Variants in IQCH observed in about 807,000 individuals in gnomAD.
IQCH encodes IQ motif containing H.
IQCH carries 98 observed loss-of-function variants against 117.0 expected under a neutral mutation model. The observed-to-expected ratio is 0.84, with a 90% CI of 0.71 to 0.99. The LOEUF is 0.99. Among genes scored for constraint, IQCH ranks in the 50% least tolerant of loss-of-function variants. IQCH has a pLI of 0.00. For synonymous variants in IQCH, 412 were observed against 448.2 expected (o/e 0.92, Z 1.02); for missense variants, 1,102 against 1,243.8 (o/e 0.89, Z 1.72).
chr15:67,297,941 G>C (rs1207356460), intron 4 of IQCH, among the ~76,000 whole-genome samples: 2 of 152,002 alleles, frequency 1.3e-5, no homozygotes, highest in East Asian at 1.9e-4. Context: ...CATCTGACAA[G>C]GGATTAATAA....
At position 67,481,838 on chromosome 15, in the gene IQCH, A is replaced by T. The variant is rs1263299801; in HGVS notation, c.2799+6020A>T. 6.6e-6 allele frequency among the ~76,000 whole-genome samples: 1 copy of T among 152,232 alleles called. No homozygotes were observed. Among genetic ancestry groups the T allele is most frequent in the African/African-American group, 2.4e-5 (1 of 41,458 alleles). ...TTGAAAGAACTCAACATCAAGAGAAATCTCAGTCTGGATTAAAAGAGACTG... is the reference window on the plus strand; with the variant it reads ...TTGAAAGAACTCAACATCAAGAGAATTCTCAGTCTGGATTAAAAGAGACTG... On this transcript the variant is annotated intron_variant, in intron 18 of 20. Coordinates refer to ENST00000335894, the MANE Select transcript of IQCH (RefSeq NM_001031715.3). The surrounding 1 kb of genome is among the most constrained non-coding windows in gnomAD (Gnocchi z 4.1).
chr15:67,358,820 T>C (rs1053844965), intron 7 of IQCH, among the ~76,000 whole-genome samples: 2 of 152,262 alleles, frequency 1.3e-5, no homozygotes, highest in South Asian at 2.1e-4. Context: ...CCCAGACTTT[T>C]ATCTTTCAAT....
At position 67,405,675 on chromosome 15, in the gene IQCH, C is replaced by A. The variant is rs188558332; in HGVS notation, c.2097+5370C>A. 92 of 152,338 alleles carry A rather than the reference C, an allele frequency of 6.0e-4. 1 individual carries two copies. The highest frequency in any genetic ancestry group is 2.1e-3 in the African/African-American group (86 of 41,566). 9.4% of individuals were successfully genotyped at this position (152,338 alleles called of 1,614,324 possible). ...TGAACCCACATCTGACTGCTGCTAG[C>A]CCAGTGCTTTTGCCACACTGAGCCA... On this transcript the variant is annotated intron_variant, in intron 14 of 20. Transcript: ENST00000335894. The surrounding 1 kb of genome is among the most constrained non-coding windows in gnomAD (Gnocchi z 4.8).
chr15:67,299,357 T>C (rs1389330319), intron 4 of IQCH, among the ~76,000 whole-genome samples: 1 of 152,026 alleles, frequency 6.6e-6, no homozygotes, highest in Admixed American at 6.6e-5. Flanking sequence ...ATCTAGTATA[T>C]CACAACAAGG....
intron 4 of IQCH, among the ~76,000 whole-genome samples, chr15:67,317,446 C>A (rs1967902220): frequency 6.6e-6 from 1 of 152,096 alleles, no homozygotes; most frequent in Non-Finnish European, 1.5e-5. Context: ...CTCAAATGAT[C>A]TGCCTGCCTC....
rs1555509968 is a variant in IQCH at position 67,474,067 on chromosome 15, A to AGAGTGT, written c.2677-1628_2677-1627insAGTGTG. Reference sequence around the variant, plus strand: ...GTCACCAAAAGTGCCACGAAATCTGAGTGTGTGTGTGTGTGTGTGTGTGTG... The same window carrying AGAGTGT: ...GTCACCAAAAGTGCCACGAAATCTGAGAGTGTGTGTGTGTGTGTGTGTGTGTGTGTG... On this transcript the variant is annotated intron_variant, in intron 17 of 20. Transcript: ENST00000335894. This position sits in a 1 kb window ranked among gnomAD's most constrained non-coding sequence, Gnocchi z 4.1. Among the ~76,000 whole-genome samples the AGAGTGT allele has an allele frequency of 7.2e-6, 1 of 138,218 alleles. No individual in the cohort carries two copies. The highest frequency in any genetic ancestry group is 1.6e-5 in the Non-Finnish European group (1 of 63,544). The allele number at this position is 138,218 out of a possible 152,430, so 90.7% of individuals were successfully genotyped here. A position where few individuals can be genotyped will look rare whatever the true frequency, so the allele number is the denominator to read the frequency against.
chr15:67,271,129 C>T lies in IQCH; in HGVS notation c.269+7913C>T, dbSNP rs184813225. 9.9e-5 allele frequency among the ~76,000 whole-genome samples: 15 copies of T among 152,158 alleles called. 1 individual carries two copies. Among genetic ancestry groups the T allele is most frequent in the Admixed American group, 3.3e-4 (5 of 15,288 alleles). On this transcript the variant is annotated intron_variant, in intron 3 of 20. Coordinates refer to ENST00000335894, the MANE Select transcript of IQCH (RefSeq NM_001031715.3). ...GACTACAGGCACACACCACCGTGCCCGGCTAATTTTTTGTATTTTTAGTAG... is the reference window on the plus strand; with the variant it reads ...GACTACAGGCACACACCACCGTGCCTGGCTAATTTTTTGTATTTTTAGTAG...
rs536964694 is a variant in IQCH, at chr15:67,461,683, T to C, written c.2506-3444T>C. On this transcript the variant is annotated intron_variant, in intron 16 of 20. Transcript: ENST00000335894. ...CCAGAGGAAGCAAAAGCATTTCAGC[T>C]CTAGAAACAGAGTTCTGGTTTGTAC... Among the ~76,000 whole-genome samples the C allele has an allele frequency of 6.6e-5, 10 of 152,312 alleles. No individual in the cohort carries two copies. The East Asian group carries it at 1.2e-3, about 18-fold the overall frequency.
rs1262242378 is a variant in IQCH at position 67,254,961 on chromosome 15, T to C, written c.51+14T>C. The C allele has an allele frequency of 6.2e-7, 1 of 1,611,762 alleles. No individual in the cohort carries two copies. Among genetic ancestry groups the C allele is most frequent in the Non-Finnish European group, 8.5e-7 (1 of 1,178,774 alleles). On this transcript the variant is annotated intron_variant, in intron 1 of 20. Coordinates refer to ENST00000335894, the MANE Select transcript of IQCH (RefSeq NM_001031715.3). ...ATCTTAATCCAGGTGGGAAACGGGC[T>C]TCCCCCGGCCCTGCCCTGCCCAGCC...
chr15:67,470,618 T>TA (rs1347659607), intron 17 of IQCH, among the ~76,000 whole-genome samples: 1 of 152,226 alleles, frequency 6.6e-6, no homozygotes, highest in Non-Finnish European at 1.5e-5. Flanking sequence ...CTATGTTTTT[T>TA]AAAAAATAAA....
chr15:67,389,821 T>C (rs1438878651), intron 12 of IQCH, among the ~76,000 whole-genome samples: 3 of 149,788 alleles, frequency 2.0e-5, no homozygotes, highest in African/African-American at 7.4e-5. Flanking sequence ...ATAGGGAACA[T>C]CTATGTGTTG....
At chr15:67,423,964 G>A (rs1030272966) in intron 16 of IQCH, among the ~76,000 whole-genome samples, 4 of 152,186 alleles carry the variant, frequency 2.6e-5, no homozygotes, top group Admixed American at 2.6e-4. Flanking sequence ...CAGTTGACTT[G>A]TGGCTTTTAT....
intron 4 of IQCH, among the ~76,000 whole-genome samples, chr15:67,291,438 C>T (rs1024560727): frequency 1.3e-5 from 2 of 152,072 alleles, no homozygotes; most frequent in Non-Finnish European, 2.9e-5. Flanking sequence ...AACACCAGCT[C>T]ACCCCAAGTT....
intron 4 of IQCH, among the ~76,000 whole-genome samples, chr15:67,291,065 A>G (rs966077430): frequency 4.6e-5 from 7 of 152,164 alleles, no homozygotes; most frequent in African/African-American, 1.7e-4. Flanking sequence ...CAGAAACACA[A>G]TCATTATTCA....
chr15:67,325,780 T>C (rs1596186324), intron 4 of IQCH, among the ~76,000 whole-genome samples: 1 of 152,254 alleles, frequency 6.6e-6, no homozygotes, highest in East Asian at 1.9e-4. Context: ...TGATTTAAAA[T>C]TATAATTTTC....
chr15:67,480,570 C>A (rs575009134), intron 18 of IQCH, among the ~76,000 whole-genome samples: 80 of 152,192 alleles, frequency 5.3e-4, no homozygotes, highest in African/African-American at 1.8e-3. Flanking sequence ...CATAACCCAG[C>A]CTAATCAGGT....
intron 8 of IQCH, among the ~76,000 whole-genome samples, chr15:67,363,651 A>T (rs1426234665): frequency 2.6e-5 from 4 of 152,132 alleles, no homozygotes; most frequent in Admixed American, 2.6e-4. Flanking sequence ...AGATTATTTC[A>T]TCACCCAGGT....
Position 67,338,131 on chromosome 15 carries a change from C to T in IQCH, c.508+1036C>T, listed in dbSNP as rs1368928392. ...GTGTTCCCATTTCTTGCTTTAATAC[C>T]ATCTTATATTCTTCCTGAACCAAAT... On this transcript the variant is annotated intron_variant, in intron 5 of 20. Coordinates refer to ENST00000335894, the MANE Select transcript of IQCH (RefSeq NM_001031715.3). Among the ~76,000 whole-genome samples, 5 of 151,980 alleles carry T rather than the reference C, an allele frequency of 3.3e-5. No homozygotes were observed. The South Asian group carries it at 1.0e-3, about 32-fold the overall frequency.
rs951909979 is a variant in IQCH, at chr15:67,476,041, C to T, written c.2799+223C>T. On this transcript the variant is annotated intron_variant, in intron 18 of 20. Coordinates refer to ENST00000335894, the MANE Select transcript of IQCH (RefSeq NM_001031715.3). The surrounding 1 kb of genome is among the most constrained non-coding windows in gnomAD (Gnocchi z 4.1). ...TACTTCGTCTCCAATCTTACACACC[C>T]ACTTTGCTAAAGCAGAAGCCATGCA... Among the ~76,000 whole-genome samples, 1 of 152,240 alleles carries T rather than the reference C, an allele frequency of 6.6e-6. No homozygotes were observed. The highest frequency in any genetic ancestry group is 6.5e-5 in the Admixed American group (1 of 15,284).
Sources: gnomAD v4.1 joint callset for allele counts (sites outside exome capture counted in the v4.1 genomes callset) on GRCh38, gnomAD v4.1.1 for gene constraint, Gnocchi (gnomAD v3.1) non-coding constraint, MANE v1.5 for transcripts, NCBI Gene and HGNC (gene_info 2026-07-23, HGNC 2026-07-21) for gene names.